SND1: variants seen among roughly 807,000 people sequenced by gnomAD.
SND1 encodes staphylococcal nuclease and tudor domain containing 1, also known as staphylococcal nuclease domain-containing protein 1.
SND1 carries 38 observed loss-of-function variants against 121.7 expected under a neutral mutation model. That is an observed-to-expected ratio of 0.31 (90% CI 0.24 to 0.41). SND1 has a LOEUF of 0.41. Among genes scored for constraint, SND1 ranks in the 10% least tolerant of loss-of-function variants. SND1 has a pLI of 1.00. For missense variants in SND1, 868 were observed against 1,184.6 expected (o/e 0.73, Z 3.92); for synonymous variants, 401 against 447.4 (o/e 0.90, Z 1.31).
rs1229641276 is a variant in SND1, at chr7:128,033,442, T to G, written c.1780-41060T>G. On this transcript the variant is annotated intron_variant, in intron 16 of 23. Coordinates refer to ENST00000354725, the MANE Select transcript of SND1 (RefSeq NM_014390.4). ...TCTCCCCGTGTGATTTCTGGCAGGC[T>G]CGCTTGATAAACCCTCATCACCTGC... is the stretch of plus-strand genomic sequence containing the variant. 2.0e-5 allele frequency among the ~76,000 whole-genome samples: 3 copies of G among 152,186 alleles called. No homozygotes were observed. In the East Asian group the frequency reaches 5.8e-4, roughly 29 times the overall value.
At chr7:128,060,769 G>T (rs147327917) in intron 16 of SND1, among the ~76,000 whole-genome samples, 1 of 152,330 alleles carries the variant, frequency 6.6e-6, no homozygotes, top group African/African-American at 2.4e-5. Context: ...TGGCATCCAG[G>T]TGTCCTCTAT....
intron 10 of SND1, among the ~76,000 whole-genome samples, chr7:127,766,420 G>A (rs531565959): frequency 2.6e-5 from 4 of 152,266 alleles, no homozygotes; most frequent in Admixed American, 1.3e-4. Flanking sequence ...TAAAGCTTTG[G>A]ATTCTGATGG....
At chr7:127,745,812 G>C (rs1306815106) in intron 10 of SND1, among the ~76,000 whole-genome samples, 1 of 152,190 alleles carries the variant, frequency 6.6e-6, no homozygotes, top group East Asian at 1.9e-4. Context: ...CCAAAACCTT[G>C]TGTAGTCTGA....
chr7:127,757,687 G>A (rs1350733900), intron 10 of SND1, among the ~76,000 whole-genome samples: 1 of 152,166 alleles, frequency 6.6e-6, no homozygotes, highest in Admixed American at 6.5e-5. Flanking sequence ...TGAAATGCTT[G>A]TTCAGGTCTT....
intron 16 of SND1, among the ~76,000 whole-genome samples, chr7:128,019,276 G>A (rs763063216): frequency 6.6e-6 from 1 of 152,196 alleles, no homozygotes; most frequent in Non-Finnish European, 1.5e-5. Context: ...AGCCTGCTAG[G>A]GAAGAGCATT....
At chr7:127,801,741 C>T (rs1364802526) in intron 10 of SND1, among the ~76,000 whole-genome samples, 1 of 152,234 alleles carries the variant, frequency 6.6e-6, no homozygotes, top group Non-Finnish European at 1.5e-5. Context: ...TCTCTTCGTA[C>T]TCCTTCATGA....
chr7:127,876,297 T>C (rs1223393283), intron 12 of SND1, among the ~76,000 whole-genome samples: 4 of 152,090 alleles, frequency 2.6e-5, no homozygotes, highest in Non-Finnish European at 5.9e-5. Context: ...GCTGACAGTG[T>C]TTGGAATTGG....
chr7:128,089,721 A>G lies in SND1; in HGVS notation c.2622+29A>G, dbSNP rs1191513110. On this transcript the variant is annotated intron_variant, in intron 22 of 23. Coordinates refer to ENST00000354725, the MANE Select transcript of SND1 (RefSeq NM_014390.4). ...TGTGATGTGGAGAGGCGGCCCCAGCATTGCGCCACCACCCTCACAGAGAAA... is the reference window on the plus strand; with the variant it reads ...TGTGATGTGGAGAGGCGGCCCCAGCGTTGCGCCACCACCCTCACAGAGAAA... The G allele has an allele frequency of 3.8e-6, 6 of 1,596,152 alleles. No individual in the cohort carries two copies. In the South Asian group the frequency reaches 6.7e-5, roughly 18 times the overall value.
At chr7:127,930,690 G>A (rs567071507) in intron 15 of SND1, among the ~76,000 whole-genome samples, 50 of 152,324 alleles carry the variant, frequency 3.3e-4, no homozygotes, top group African/African-American at 1.1e-3. Context: ...GAAAGGCAGT[G>A]TGGCAGTTGT....
chr7:128,058,995 G>A lies in SND1; in HGVS notation c.1780-15507G>A, dbSNP rs566061944. Among the ~76,000 whole-genome samples the A allele has an allele frequency of 7.9e-5, 12 of 152,132 alleles. No homozygotes were observed. The South Asian group carries it at 8.3e-4, about 11-fold the overall frequency. ...CCTTCTCCTGGCTTCTGTTCTCCCC[G>A]TCATCCCGTGTTTCTCTAATGTCTA... On this transcript the variant is annotated intron_variant, in intron 16 of 23. Transcript: ENST00000354725.
At chr7:128,068,233 C>T (rs1655243926) in intron 16 of SND1, among the ~76,000 whole-genome samples, 1 of 152,088 alleles carries the variant, frequency 6.6e-6, no homozygotes, top group Admixed American at 6.5e-5. Context: ...TTACCACATG[C>T]ATGCACATGC....
chr7:127,764,867 AT>A (rs1262804935), intron 10 of SND1, among the ~76,000 whole-genome samples: 2 of 152,152 alleles, frequency 1.3e-5, no homozygotes, highest in Non-Finnish European at 2.9e-5. Context: ...ATCGAGGTAA[AT>A]TGCTCCCATT....
At chr7:128,080,478 T>C (rs1793579363) in intron 17 of SND1, among the ~76,000 whole-genome samples, 1 of 152,178 alleles carries the variant, frequency 6.6e-6, no homozygotes, top group Admixed American at 6.5e-5. Flanking sequence ...AAGGGAAAGT[T>C]GCTGAGCAGA....
intron 16 of SND1, among the ~76,000 whole-genome samples, chr7:128,065,534 C>G (rs1793298825): frequency 6.6e-6 from 1 of 152,254 alleles, no homozygotes; most frequent in Non-Finnish European, 1.5e-5. Context: ...TGGTTACTTT[C>G]AGACCAAGTC....
intron 12 of SND1, among the ~76,000 whole-genome samples, chr7:127,867,495 A>C (rs1799499742): frequency 1.3e-5 from 2 of 151,920 alleles, no homozygotes; most frequent in Non-Finnish European, 2.9e-5. Flanking sequence ...CCTATATTCA[A>C]CTGCTGTTCC....
At chr7:127,817,849 G>A (rs899548567) in intron 11 of SND1, among the ~76,000 whole-genome samples, 1 of 147,294 alleles carries the variant, frequency 6.8e-6, no homozygotes. Flanking sequence ...TGTTGTAGTA[G>A]TTCCCAGGTC....
Position 127,686,652 on chromosome 7 carries a change from C to T in SND1, c.118C>T (p.Arg40Cys), listed in dbSNP as rs1795817873. The change falls in exon 2 of 24, where the codon CGT (arginine) becomes TGT (cysteine). Residue 40 changes from arginine (R) to cysteine (C), a missense_variant. Physicochemically the swap from Arg to Cys is radical, Grantham distance 180. Around this residue, in one of 2 missense-constraint regions of SND1, gnomAD observed 125 missense variants for 113.3 expected, o/e 1.10. Coordinates refer to ENST00000354725, the MANE Select transcript of SND1 (RefSeq NM_014390.4). The stretch of plus-strand genomic sequence containing the variant: ...CGCCATCATTGTCCGAGGTCAGCCT[C>T]GTGGTGGGCCTCCTCCTGAGCGGCA... ...GCAIIVRGQP[R>C]GGPPPERQIN... The T allele has an allele frequency of 6.8e-6, 11 of 1,614,060 alleles. No individual in the cohort carries two copies. Among genetic ancestry groups the T allele is most frequent in the South Asian group, 1.1e-5 (1 of 91,092 alleles).
intron 13 of SND1, among the ~76,000 whole-genome samples, chr7:127,903,785 C>G (rs777748703): frequency 6.6e-6 from 1 of 152,178 alleles, no homozygotes; most frequent in Non-Finnish European, 1.5e-5. Context: ...ATGTGGCTGA[C>G]AGTGTGAGGG....
intron 10 of SND1, among the ~76,000 whole-genome samples, chr7:127,782,037 A>G (rs1797733488): frequency 6.6e-6 from 1 of 152,232 alleles, no homozygotes; most frequent in African/African-American, 2.4e-5. Context: ...TCAAGCTGTA[A>G]TATCTGATCC....
Sources: allele counts gnomAD v4.1 joint callset (sites outside exome capture counted in the v4.1 genomes callset), GRCh38; gene constraint gnomAD v4.1.1; regional missense constraint gnomAD v4.1.1; transcripts MANE v1.5; gene names NCBI Gene and HGNC (gene_info 2026-07-23, HGNC 2026-07-21).